The following ITGB8 variants were observed in gnomAD, a reference collection of about 807,000 sequenced individuals.
ITGB8 encodes the protein integrin subunit beta 8.
In ITGB8, 30 loss-of-function variants were observed where a neutral mutation model predicts 89.5. That is an observed-to-expected ratio of 0.34 (90% CI 0.25 to 0.45). The LOEUF is 0.45. ITGB8 is among the 20% of genes least tolerant of loss of function. The pLI, the probability that ITGB8 is intolerant of heterozygous loss-of-function variation, is 1.00. For missense variants in ITGB8, 836 were observed against 933.3 expected (o/e 0.90, Z 1.36); for synonymous variants, 335 against 320.4 (o/e 1.05, Z -0.49).
rs781253002 is a variant in ITGB8, at chr7:20,409,619, T to C, written c.2028T>C (p.Cys676=). The C allele has an allele frequency of 1.3e-6, 2 of 1,598,436 alleles. No individual in the cohort carries two copies. Among genetic ancestry groups the C allele is most frequent in the Middle Eastern group, 1.8e-4 (1 of 5,538 alleles). The part of the protein sequence containing the change: ...QQHYVDQTSE[C]FSSPSYLRIF... The stretch of plus-strand genomic sequence containing the variant: ...TATTTGTTTGCTTCATTACAGAATG[T>C]TTCTCCAGCCCAAGCTACTTGAGAA... The change falls in exon 13 of 14, where the codon TGT becomes TGC. Residue 676 remains cysteine (C), a synonymous_variant. Coordinates refer to ENST00000222573, the MANE Select transcript of ITGB8 (RefSeq NM_002214.3).
intron 3 of ITGB8, among the ~76,000 whole-genome samples, chr7:20,368,337 A>G (rs1390170686): frequency 1.3e-5 from 2 of 152,196 alleles, no homozygotes; most frequent in African/African-American, 2.4e-5. Context: ...TTTTTAGAAA[A>G]AGAGAGACAG....
chr7:20,384,418 G>A (rs1786523227), intron 6 of ITGB8, among the ~76,000 whole-genome samples: 1 of 152,156 alleles, frequency 6.6e-6, no homozygotes, highest in Admixed American at 6.5e-5. Context: ...AGGTCAATGT[G>A]AACCCTAGAC....
chr7:20,406,175 G>A lies in ITGB8; in HGVS notation c.2023+4G>A, dbSNP rs1481251152. 12 of 1,532,082 alleles carry A rather than the reference G, an allele frequency of 7.8e-6. No individual in the cohort carries two copies. In the East Asian group the frequency reaches 1.6e-4, roughly 20 times the overall value. The allele number at this position is 1,532,082 out of a possible 1,614,324, so 94.9% of individuals were successfully genotyped here. ...CATTATGTCGACCAAACTTCAGGTA[G>A]GCCAAAGCTTAATAATCAAAGCACA... On this transcript the variant is annotated splice_donor_region_variant and intron_variant, in intron 12 of 13. Transcript: ENST00000222573.
chr7:20,336,771 T>A (rs377463244), intron 1 of ITGB8, among the ~76,000 whole-genome samples: 3 of 152,294 alleles, frequency 2.0e-5, no homozygotes, highest in East Asian at 1.9e-4. Context: ...GTGACCTCCT[T>A]GAGGGAAGAA....
chr7:20,374,783 G>A (rs1786068941), intron 3 of ITGB8, among the ~76,000 whole-genome samples: 1 of 152,204 alleles, frequency 6.6e-6, no homozygotes, highest in Non-Finnish European at 1.5e-5. Flanking sequence ...ATGTAGACAA[G>A]AGTAAGTATT....
At chr7:20,380,607 T>C (rs1013628159) in intron 4 of ITGB8, 59 bp from the exon 5 acceptor site, 3 of 1,335,924 alleles carry the variant, frequency 2.2e-6, no homozygotes, top group African/African-American at 2.9e-5. Context: ...TACTGTTAAG[T>C]ATTCCAGAAT....
At chr7:20,342,057 A>G (rs1218741478) in intron 1 of ITGB8, among the ~76,000 whole-genome samples, 1 of 152,154 alleles carries the variant, frequency 6.6e-6, no homozygotes, top group Non-Finnish European at 1.5e-5. Context: ...CTGCGTAATT[A>G]TCAATTCCTT....
At chr7:20,345,858 A>C (rs1784905601) in intron 1 of ITGB8, among the ~76,000 whole-genome samples, 1 of 152,206 alleles carries the variant, frequency 6.6e-6, no homozygotes, top group Non-Finnish European at 1.5e-5. Context: ...TTAGAGGAGA[A>C]GAGAATAAGG....
intron 1 of ITGB8, among the ~76,000 whole-genome samples, chr7:20,354,319 T>C (rs948148515): frequency 4.6e-5 from 7 of 152,212 alleles, no homozygotes; most frequent in African/African-American, 1.7e-4. Flanking sequence ...TGAAGAAATA[T>C]ATCTCTTTAG....
At chr7:20,384,300 G>GTCTGAACCAAGAT (rs149317277) in intron 6 of ITGB8, among the ~76,000 whole-genome samples, 54,886 of 151,932 alleles carry the variant, frequency 0.36, 10,224 homozygotes, top group Non-Finnish European at 0.4. Flanking sequence ...TGATTCAAGA[G>GTCTGAACCAAGAT]TCTTGGGGTT....
intron 6 of ITGB8, among the ~76,000 whole-genome samples, chr7:20,389,194 A>G (rs960388418): frequency 6.6e-6 from 1 of 152,206 alleles, no homozygotes; most frequent in Non-Finnish European, 1.5e-5. Flanking sequence ...TCCTTGAGGA[A>G]TCACCACACT....
At position 20,363,716 on chromosome 7, in the gene ITGB8, T is replaced by G; in HGVS notation, c.207T>G (p.Val69=). ...LALGPECGWC[V]QEDFISGGSR... is the part of the protein sequence containing the mutation. ...TGGGTCCAGAATGTGGATGGTGTGT[T>G]CAAGAGGTGTGCCATTTTTTTTTTT... Residue 69 remains valine, a synonymous_variant, in exon 2 of 14, where the codon GTT becomes GTG. Coordinates refer to ENST00000222573, the MANE Select transcript of ITGB8 (RefSeq NM_002214.3). 2 of 1,568,324 alleles carry G rather than the reference T, an allele frequency of 1.3e-6. No individual in the cohort carries two copies. The highest frequency in any genetic ancestry group is 8.6e-7 in the Non-Finnish European group (1 of 1,166,398).
chr7:20,402,225 T>C (rs1233448454), intron 10 of ITGB8, 99 bp downstream of exon 10: 1 of 1,056,132 alleles, frequency 9.5e-7, no homozygotes, highest in Non-Finnish European at 1.3e-6. Flanking sequence ...TTAGCAAAAC[T>C]GAATCTGAAT....
chr7:20,392,816 T>A (rs191024025), intron 7 of ITGB8, among the ~76,000 whole-genome samples: 8 of 152,318 alleles, frequency 5.3e-5, no homozygotes, highest in Admixed American at 4.6e-4. Context: ...TAATTCCTTG[T>A]TTACCCAAAT....
At chr7:20,394,758 T>G (rs1381682969) in intron 7 of ITGB8, 138 bp from the exon 8 acceptor site, 2 of 633,420 alleles carry the variant, frequency 3.2e-6, no homozygotes, top group Non-Finnish European at 5.5e-6. Flanking sequence ...TTGCTTATAT[T>G]TTTCTTGTGT....
chr7:20,411,355 A>T lies in ITGB8; in HGVS notation c.*1358A>T, dbSNP rs1787755372. The T allele has an allele frequency of 6.6e-6, 1 of 152,036 alleles. No individual in the cohort carries two copies. The highest frequency in any genetic ancestry group is 1.5e-5 in the Non-Finnish European group (1 of 68,118). The allele number at this position is 152,036 out of a possible 1,614,324, so 9.4% of individuals were successfully genotyped here. A position where few individuals can be genotyped will look rare whatever the true frequency, so the allele number is the denominator to read the frequency against. ...TTTTTAGTAGAGACGGGGTTTTGCC[A>T]TGTTGGACAGGTTGATCTCAAACTC... is the stretch of plus-strand genomic sequence containing the variant. On this transcript the variant is annotated 3_prime_UTR_variant, in exon 14 of 14. Coordinates refer to ENST00000222573, the MANE Select transcript of ITGB8 (RefSeq NM_002214.3).
At chr7:20,406,968 A>AT (rs35787699) in intron 12 of ITGB8, among the ~76,000 whole-genome samples, 1 of 152,050 alleles carries the variant, frequency 6.6e-6, no homozygotes, top group African/African-American at 2.4e-5. Flanking sequence ...ATTACTTAGG[A>AT]TTTTTTTGGC....
intron 6 of ITGB8, among the ~76,000 whole-genome samples, chr7:20,389,057 G>A (rs1356666704): frequency 6.6e-6 from 1 of 152,128 alleles, no homozygotes; most frequent in Admixed American, 6.5e-5. Context: ...ATTTGGGTTG[G>A]TTCCAAGTCT....
Position 20,401,725 on chromosome 7 carries a change from T to C in ITGB8, c.1286T>C (p.Leu429Pro), listed in dbSNP as rs989529388. Residue 429 changes from leucine (L) to proline (P), a missense_variant, in exon 10 of 14, where the codon CTT becomes CCT. This residue lies in a region of ITGB8 where 422 missense variants were observed against 416.9 expected (regional missense o/e 1.01). Coordinates refer to ENST00000222573, the MANE Select transcript of ITGB8 (RefSeq NM_002214.3). ...CRNVTSNDEV[L>P]FNVTVTMKKC... Reference sequence around the variant, plus strand: ...CCTTTTTCCTCCTAAATTTAGGTTCTTTTCAATGTAACAGTTACAATGAAA... The same window carrying C: ...CCTTTTTCCTCCTAAATTTAGGTTCCTTTCAATGTAACAGTTACAATGAAA... 7.8e-6 allele frequency: 12 copies of C among 1,534,744 alleles called. No individual in the cohort carries two copies. Among genetic ancestry groups the C allele is most frequent in the Non-Finnish European group, 1.0e-5 (12 of 1,146,864 alleles).
Sources: allele counts gnomAD v4.1 joint callset (sites outside exome capture counted in the v4.1 genomes callset), GRCh38; gene constraint gnomAD v4.1.1; regional missense constraint gnomAD v4.1.1; transcripts MANE v1.5; gene names NCBI Gene and HGNC (gene_info 2026-07-23, HGNC 2026-07-21).